The following NALCN variants were observed in gnomAD, a reference collection of about 807,000 sequenced individuals.
NALCN encodes the protein sodium leak channel, non-selective.
A neutral mutation model predicts 225.3 loss-of-function variants in NALCN; 111 were observed. The ratio of observed to expected loss-of-function variants is 0.49; its 90% CI spans 0.42 to 0.58. NALCN has a LOEUF of 0.58. Among genes scored for constraint, NALCN ranks in the 20% least tolerant of loss-of-function variants. The pLI, the probability that NALCN is intolerant of heterozygous loss-of-function variation, is 0.00. For missense variants in NALCN, 1,378 were observed against 2,202.4 expected (o/e 0.63, Z 7.49); for synonymous variants, 764 against 769.0 (o/e 0.99, Z 0.11).
chr13:101,257,026 G>A (rs1302302577), intron 11 of NALCN, among the ~76,000 whole-genome samples: 1 of 152,100 alleles, frequency 6.6e-6, no homozygotes, highest in Non-Finnish European at 1.5e-5. Context: ...GCCTCCCAAA[G>A]TTCTGGGATT....
chr13:101,397,445 A>C (rs1205297661), intron 2 of NALCN, among the ~76,000 whole-genome samples: 3 of 151,036 alleles, frequency 2.0e-5, no homozygotes, highest in Non-Finnish European at 4.4e-5. Flanking sequence ...ATATGCATGC[A>C]CATATAAATA....
chr13:101,206,571 T>C (rs1289784), intron 13 of NALCN, among the ~76,000 whole-genome samples: 13,564 of 142,748 alleles, frequency 0.095, 1,804 homozygotes, highest in African/African-American at 0.29. Context: ...ATTTAAAAAA[T>C]AGTTTTTTTC....
chr13:101,330,920 C>T (rs1412991816), intron 7 of NALCN, among the ~76,000 whole-genome samples: 2 of 152,170 alleles, frequency 1.3e-5, no homozygotes, highest in East Asian at 1.9e-4. Flanking sequence ...TCACCTTGTG[C>T]CATGATTGTG....
chr13:101,198,734 A>G (rs146264185), intron 13 of NALCN, among the ~76,000 whole-genome samples: 3,534 of 152,256 alleles, frequency 0.023, 56 homozygotes, highest in Non-Finnish European at 0.033. Context: ...TCAGTGTGGC[A>G]ATTCCTCAGG....
At chr13:101,266,909 G>A (rs2042614608) in intron 10 of NALCN, among the ~76,000 whole-genome samples, 1 of 152,174 alleles carries the variant, frequency 6.6e-6, no homozygotes, top group African/African-American at 2.4e-5. Context: ...GAATTTATAT[G>A]AAAAAGGTAA....
intron 28 of NALCN, among the ~76,000 whole-genome samples, chr13:101,092,031 C>T (rs1442799711): frequency 6.6e-6 from 1 of 152,126 alleles, no homozygotes; most frequent in Non-Finnish European, 1.5e-5. Flanking sequence ...GAAACTTTAC[C>T]TGTAACTACG....
chr13:101,111,042 A>T, intron 19 of NALCN, 83 bp downstream of exon 19: 2 of 1,386,714 alleles, frequency 1.4e-6, no homozygotes, highest in Non-Finnish European at 1.0e-6. Flanking sequence ...CAGGGCTGAC[A>T]GCCGTGACTG....
intron 7 of NALCN, among the ~76,000 whole-genome samples, chr13:101,296,244 A>C (rs1394947550): frequency 6.6e-6 from 1 of 152,200 alleles, no homozygotes; most frequent in Non-Finnish European, 1.5e-5. Context: ...TCTGTACCAG[A>C]CACTGAGGAG....
chr13:101,366,915 CCT>C (rs58321547), intron 6 of NALCN, among the ~76,000 whole-genome samples: 31,458 of 151,890 alleles, frequency 0.21, 3,391 homozygotes, highest in African/African-American at 0.24. Flanking sequence ...ATCAGCAGCT[CCT>C]CATTCCCTTG....
intron 17 of NALCN, among the ~76,000 whole-genome samples, chr13:101,139,103 T>C (rs190462640): frequency 4.6e-5 from 7 of 152,268 alleles, no homozygotes; most frequent in South Asian, 4.2e-4. Flanking sequence ...TAAAGATTTT[T>C]GTTTGCTGGT....
intron 17 of NALCN, among the ~76,000 whole-genome samples, chr13:101,124,997 T>C (rs2139701715): frequency 6.6e-6 from 1 of 152,338 alleles, no homozygotes; most frequent in Non-Finnish European, 1.5e-5. Context: ...TATTTGTCTT[T>C]GATTAGCGCA....
chr13:101,270,933 G>A (rs2042755806), intron 10 of NALCN, among the ~76,000 whole-genome samples: 1 of 152,206 alleles, frequency 6.6e-6, no homozygotes, highest in Non-Finnish European at 1.5e-5. Flanking sequence ...AATCTTTGGT[G>A]ATGGAAATTT....
chr13:101,198,071 G>GGT (rs2039962099), intron 13 of NALCN, among the ~76,000 whole-genome samples: 1 of 152,246 alleles, frequency 6.6e-6, no homozygotes, highest in Admixed American at 6.5e-5. Context: ...ATGAGAACAG[G>GGT]GTGAGAACCA....
chr13:101,310,889 T>C (rs2044317870), intron 7 of NALCN, among the ~76,000 whole-genome samples: 1 of 152,194 alleles, frequency 6.6e-6, no homozygotes, highest in East Asian at 1.9e-4. Flanking sequence ...GATATTCACA[T>C]ATGGAATGTG....
intron 11 of NALCN, among the ~76,000 whole-genome samples, chr13:101,239,427 C>T (rs547589583): frequency 7.9e-5 from 12 of 151,950 alleles, no homozygotes; most frequent in East Asian, 1.9e-4. Context: ...CCTAAAGTTA[C>T]GTGAACTGTG....
intron 16 of NALCN, among the ~76,000 whole-genome samples, chr13:101,143,976 T>A (rs1326544180): frequency 6.6e-6 from 1 of 152,214 alleles, no homozygotes; most frequent in African/African-American, 2.4e-5. Context: ...ATTCAATTAA[T>A]TTTGTTTTTT....
chr13:101,169,782 T>C (rs1377639672), intron 15 of NALCN, among the ~76,000 whole-genome samples: 4 of 152,226 alleles, frequency 2.6e-5, no homozygotes, highest in Non-Finnish European at 5.9e-5. Flanking sequence ...CCCTGAATGT[T>C]AGTTGCCACG....
intron 11 of NALCN, among the ~76,000 whole-genome samples, chr13:101,244,916 C>G (rs987372447): frequency 6.6e-6 from 1 of 152,186 alleles, no homozygotes; most frequent in African/African-American, 2.4e-5. Context: ...GGTAGCTGGA[C>G]AGGGTGGAAT....
At position 101,292,439 on chromosome 13, in the gene NALCN, A is replaced by G; in HGVS notation, c.800-73T>C. 4.1e-6 allele frequency: 6 copies of G among 1,447,456 alleles called. No individual in the cohort carries two copies. The South Asian group carries it at 8.0e-5, about 19-fold the overall frequency. The allele number at this position is 1,447,456 out of a possible 1,614,324, so 89.7% of individuals were successfully genotyped here. A position where few individuals can be genotyped will look rare whatever the true frequency, so the allele number is the denominator to read the frequency against. ...TAAGAAAGCATTTTCCAGAAAAACA[A>G]TCAATATTTATCCATACTTATTTTC... On this transcript the variant is annotated intron_variant, in intron 7 of 43. Transcript: ENST00000251127. This position sits in a 1 kb window ranked among gnomAD's most constrained non-coding sequence, Gnocchi z 4.3.
Sources: allele counts gnomAD v4.1 joint callset (sites outside exome capture counted in the v4.1 genomes callset), GRCh38; gene constraint gnomAD v4.1.1; non-coding constraint Gnocchi (gnomAD v3.1); transcripts MANE v1.5; gene names NCBI Gene and HGNC (gene_info 2026-07-23, HGNC 2026-07-21).